Variants in KCND2 observed in about 807,000 individuals in gnomAD.
The protein encoded by KCND2 is potassium voltage-gated channel subfamily D member 2, also known as A-type voltage-gated potassium channel KCND2.
A neutral mutation model predicts 54.4 loss-of-function variants in KCND2; 16 were observed. The ratio of observed to expected loss-of-function variants is 0.29; its 90% CI spans 0.20 to 0.45. The LOEUF (loss-of-function observed/expected upper bound fraction) is 0.45. Among genes scored for constraint, KCND2 ranks in the 20% least tolerant of loss-of-function variants. The probability of loss-of-function intolerance (pLI) is 1.00; values close to 1 mark genes in which losing one functional copy is unlikely to be tolerated. For synonymous variants in KCND2, 317 were observed against 310.7 expected (o/e 1.02, Z -0.21); for missense variants, 486 against 824.2 (o/e 0.59, Z 5.02).
chr7:120,353,138 T>A (rs1255688966), intron 1 of KCND2, among the ~76,000 whole-genome samples: 3 of 141,158 alleles, frequency 2.1e-5, no homozygotes, highest in South Asian at 2.2e-4. Flanking sequence ...TTTTACTTTT[T>A]TTTTTTTTTT....
intron 1 of KCND2, among the ~76,000 whole-genome samples, chr7:120,312,920 C>T (rs1269763684): frequency 2.0e-5 from 3 of 152,138 alleles, no homozygotes; most frequent in Admixed American, 1.3e-4. Flanking sequence ...TGATGACATC[C>T]TTCCCAACAT....
intron 1 of KCND2, among the ~76,000 whole-genome samples, chr7:120,286,524 C>G (rs986161981): frequency 6.6e-6 from 1 of 151,822 alleles, no homozygotes; most frequent in African/African-American, 2.4e-5. Flanking sequence ...TTACTATTGA[C>G]TATATAACAG....
intron 1 of KCND2, among the ~76,000 whole-genome samples, chr7:120,281,839 A>T (rs1799268569): frequency 6.6e-6 from 1 of 152,206 alleles, no homozygotes; most frequent in African/African-American, 2.4e-5. Flanking sequence ...AACATTAGCA[A>T]TAATCTGCTA....
rs561864073 is a variant in KCND2 at position 120,562,230 on chromosome 7, C to T, written c.1116-170673C>T. ...GGGTTCCCTGAAGTACAAACACCAA[C>T]ATTTAAGGAAATATAGCAGAAAATA... On this transcript the variant is annotated intron_variant, in intron 1 of 5. Transcript: ENST00000331113. Among the ~76,000 whole-genome samples the T allele has an allele frequency of 2.6e-5, 4 of 152,012 alleles. No homozygotes were observed. The South Asian group carries it at 8.4e-4, about 32-fold the overall frequency.
At chr7:120,378,625 G>A (rs6466744) in intron 1 of KCND2, among the ~76,000 whole-genome samples, 1,607 of 151,996 alleles carry the variant, frequency 0.011, 21 homozygotes, top group African/African-American at 0.036. Flanking sequence ...ACAAAACTAC[G>A]TGTAAAGCAG....
chr7:120,596,325 G>A (rs963688610), intron 1 of KCND2, among the ~76,000 whole-genome samples: 1 of 152,158 alleles, frequency 6.6e-6, no homozygotes, highest in Non-Finnish European at 1.5e-5. Flanking sequence ...AATAAAGCAG[G>A]AATGCATCTG....
chr7:120,571,637 G>A (rs758828631), intron 1 of KCND2, among the ~76,000 whole-genome samples: 44 of 152,258 alleles, frequency 2.9e-4, no homozygotes, highest in Middle Eastern at 3.4e-3. Flanking sequence ...GGGCCCCTCT[G>A]CATGTTTAAC....
intron 1 of KCND2, among the ~76,000 whole-genome samples, chr7:120,496,106 A>G (rs1422297086): frequency 6.6e-6 from 1 of 152,190 alleles, no homozygotes; most frequent in Non-Finnish European, 1.5e-5. Flanking sequence ...ATTTGAAGCA[A>G]TAGTTTAGTA....
At chr7:120,354,155 C>G (rs1243942100) in intron 1 of KCND2, among the ~76,000 whole-genome samples, 1 of 152,038 alleles carries the variant, frequency 6.6e-6, no homozygotes, top group East Asian at 1.9e-4. Context: ...CTTGGAAGAA[C>G]AACTGACATG....
In KCND2 at chr7:120,624,013, C is replaced by T. The variant is rs138654782; in HGVS notation, c.1116-108890C>T. Among the ~76,000 whole-genome samples, 60 of 152,174 alleles carry T rather than the reference C, an allele frequency of 3.9e-4. 1 individual carries two copies. In the East Asian group the frequency reaches 0.011, roughly 28 times the overall value. ...TTGTCTGACAAGCAATGCACAAAGA[C>T]AAAGTTTTTAAGCAGAGTCTGTGAA... On this transcript the variant is annotated intron_variant, in intron 1 of 5. Transcript: ENST00000331113.
intron 1 of KCND2, among the ~76,000 whole-genome samples, chr7:120,412,119 T>C (rs917465555): frequency 2.0e-5 from 3 of 152,102 alleles, no homozygotes; most frequent in Non-Finnish European, 4.4e-5. Flanking sequence ...TGTTCAATTT[T>C]CTCATAAACA....
chr7:120,294,744 C>T (rs1799484143), intron 1 of KCND2, among the ~76,000 whole-genome samples: 1 of 151,662 alleles, frequency 6.6e-6, no homozygotes, highest in Admixed American at 6.6e-5. Flanking sequence ...TTCTTATTAG[C>T]CAAACACTTA....
chr7:120,619,788 C>G (rs1793074832), intron 1 of KCND2, among the ~76,000 whole-genome samples: 2 of 152,118 alleles, frequency 1.3e-5, no homozygotes, highest in African/African-American at 4.8e-5. Flanking sequence ...AGCGCATTAG[C>G]CCAACAGCAA....
chr7:120,685,522 C>T (rs1479872806), intron 1 of KCND2, among the ~76,000 whole-genome samples: 1 of 152,054 alleles, frequency 6.6e-6, no homozygotes, highest in Admixed American at 6.6e-5. Context: ...CTGAGATAAA[C>T]GATTTCACAG....
chr7:120,571,448 G>C (rs189542559), intron 1 of KCND2, among the ~76,000 whole-genome samples: 1 of 152,190 alleles, frequency 6.6e-6, no homozygotes, highest in African/African-American at 2.4e-5. Flanking sequence ...TTCGTGAAAG[G>C]AACAGAGGGA....
intron 2 of KCND2, among the ~76,000 whole-genome samples, chr7:120,741,063 G>T (rs1358728262): frequency 6.8e-6 from 1 of 147,918 alleles, no homozygotes; most frequent in Non-Finnish European, 1.5e-5. Flanking sequence ...AAAAAAAAAA[G>T]AAAGGAAGGA....
intron 1 of KCND2, among the ~76,000 whole-genome samples, chr7:120,320,792 C>T (rs1443885266): frequency 3.9e-5 from 6 of 152,066 alleles, no homozygotes; most frequent in African/African-American, 4.8e-5. Flanking sequence ...ATTGCTCTGT[C>T]GCTAACCTGG....
In KCND2 at chr7:120,617,025, A is replaced by T. The variant is rs1462524098; in HGVS notation, c.1116-115878A>T. ...TTAACTAACCCAAGTGGCCACATTA[A>T]TCATTGTGTATTAACCCCATCAGTA... is the stretch of plus-strand genomic sequence containing the variant. On this transcript the variant is annotated intron_variant, in intron 1 of 5. Coordinates refer to ENST00000331113, the MANE Select transcript of KCND2 (RefSeq NM_012281.3). Among the ~76,000 whole-genome samples, 4 of 152,170 alleles carry T rather than the reference A, an allele frequency of 2.6e-5. No homozygotes were observed. In the South Asian group the frequency reaches 8.3e-4, roughly 32 times the overall value.
At chr7:120,306,882 T>G (rs1010612603) in intron 1 of KCND2, among the ~76,000 whole-genome samples, 2 of 152,080 alleles carry the variant, frequency 1.3e-5, no homozygotes, top group Non-Finnish European at 1.5e-5. Context: ...TGGACTATGG[T>G]CTGTCATACA....
Sources: allele counts gnomAD v4.1 joint callset (sites outside exome capture counted in the v4.1 genomes callset), GRCh38; gene constraint gnomAD v4.1.1; transcripts MANE v1.5; gene names NCBI Gene and HGNC (gene_info 2026-07-23, HGNC 2026-07-21).